LY96: variants seen among roughly 807,000 people sequenced by gnomAD.
LY96 encodes the protein myeloid differentiation protein-2.
A neutral mutation model predicts 18.9 loss-of-function variants in LY96; 18 were observed. The observed-to-expected ratio is 0.95, with a 90% CI of 0.66 to 1.41. LY96 has a LOEUF of 1.41. Among genes scored for constraint, LY96 ranks in the 40% most tolerant of loss-of-function variants. LY96 has a pLI of 0.00. For synonymous variants in LY96, 66 were observed against 62.6 expected (o/e 1.06, Z -0.26); for missense variants, 175 against 182.4 (o/e 0.96, Z 0.23).
the LY96 span, among the ~76,000 whole-genome samples, chr8:74,058,574 C>T: frequency 6.7e-6 from 1 of 149,180 alleles, no homozygotes; most frequent in Non-Finnish European, 1.5e-5. Flanking sequence ...AGCTGGAAGG[C>T]AGTGGCGCAA....
chr8:74,006,491 C>A (rs1320951742), intron 2 of LY96, among the ~76,000 whole-genome samples: 2 of 152,180 alleles, frequency 1.3e-5, no homozygotes, highest in South Asian at 2.1e-4. Context: ...AGCCACCGTG[C>A]CCAGCCAATA....
the LY96 span, among the ~76,000 whole-genome samples, chr8:74,053,755 ATCTCAGAATTCATAGTTTGATTGGAG>A: frequency 6.6e-6 from 1 of 152,210 alleles, no homozygotes; most frequent in South Asian, 2.1e-4. Flanking sequence ...TGGAAACTTA[ATCTCAGAATTCATAGTTTGATTGGAG>A]GTAAGCCTTT....
the LY96 span, among the ~76,000 whole-genome samples, chr8:74,048,514 G>A: frequency 5.9e-5 from 9 of 152,212 alleles, no homozygotes; most frequent in African/African-American, 1.7e-4. Context: ...CTGCCTTGTT[G>A]GGCTCCCTAG....
At position 73,999,415 on chromosome 8, in the gene LY96, A is replaced by G. The variant is rs1263061394; in HGVS notation, c.113-5381A>G. 2.0e-5 allele frequency among the ~76,000 whole-genome samples: 3 copies of G among 152,094 alleles called. No individual in the cohort carries two copies. The East Asian group carries it at 5.8e-4, about 29-fold the overall frequency. ...TGAGTAGCTACAGGCATGTGCCATCACATCCAGCTAATTTTTGTATTTTTT... is the reference window on the plus strand; with the variant it reads ...TGAGTAGCTACAGGCATGTGCCATCGCATCCAGCTAATTTTTGTATTTTTT... On this transcript the variant is annotated intron_variant, in intron 1 of 4. Transcript: ENST00000284818.
At chr8:74,028,318 T>C (rs1816911082) in intron 4 of LY96, among the ~76,000 whole-genome samples, 1 of 151,310 alleles carries the variant, frequency 6.6e-6, no homozygotes, top group South Asian at 2.1e-4. Context: ...TTCCGCTTCA[T>C]TTTTTTTTCC....
chr8:74,041,422 A>G, the LY96 span, among the ~76,000 whole-genome samples: 2 of 152,250 alleles, frequency 1.3e-5, no homozygotes, highest in Non-Finnish European at 2.9e-5. Flanking sequence ...TCAGAGAACA[A>G]GGGAAGACAA....
At chr8:74,018,488 C>T (rs1816691418) in intron 3 of LY96, among the ~76,000 whole-genome samples, 1 of 152,084 alleles carries the variant, frequency 6.6e-6, no homozygotes, top group Non-Finnish European at 1.5e-5. Context: ...ACTTTAACAC[C>T]CCACTGTCAA....
chr8:74,010,819 T>G (rs988272078), intron 3 of LY96, among the ~76,000 whole-genome samples: 1 of 151,914 alleles, frequency 6.6e-6, no homozygotes, highest in African/African-American at 2.4e-5. Context: ...GGAGAACTAG[T>G]AACAGAGCAG....
the LY96 span, among the ~76,000 whole-genome samples, chr8:74,047,832 A>G: frequency 6.6e-5 from 10 of 152,190 alleles, no homozygotes; most frequent in Admixed American, 5.2e-4. Flanking sequence ...CAAATCTGAT[A>G]ATATCATTAC....
At chr8:74,018,986 C>G (rs1399368689) in intron 3 of LY96, among the ~76,000 whole-genome samples, 1 of 151,808 alleles carries the variant, frequency 6.6e-6, no homozygotes, top group Non-Finnish European at 1.5e-5. Context: ...GATCTAAAAT[C>G]GACACCCTAA....
At chr8:74,077,987 A>T in the LY96 span, among the ~76,000 whole-genome samples, 1 of 152,080 alleles carries the variant, frequency 6.6e-6, no homozygotes, top group Non-Finnish European at 1.5e-5. Flanking sequence ...ACATGCCTGT[A>T]GCCTCAGCTA....
chr8:74,028,974 G>T lies in LY96; in HGVS notation c.403G>T (p.Val135Phe). ...ATTTTAGGGAAAATACAAATGTGTTGTTGAAGCTATTTCTGGGAGCCCAGA... is the reference window on the plus strand; with the variant it reads ...ATTTTAGGGAAAATACAAATGTGTTTTTGAAGCTATTTCTGGGAGCCCAGA... ...KFSKGKYKCV[V>F]EAISGSPEEM... Residue 135 changes from valine to phenylalanine, a missense_variant, in exon 5 of 5, where the codon GTT (valine) becomes TTT (phenylalanine). By Grantham distance (50) the Val-to-Phe change is conservative (BLOSUM62 -1). Coordinates refer to ENST00000284818, the MANE Select transcript of LY96 (RefSeq NM_015364.5). The T allele has an allele frequency of 6.2e-7, 1 of 1,608,018 alleles. No individual in the cohort carries two copies. Among genetic ancestry groups the T allele is most frequent in the Non-Finnish European group, 8.5e-7 (1 of 1,175,220 alleles).
chr8:74,045,881 C>T, the LY96 span, among the ~76,000 whole-genome samples: 1 of 152,142 alleles, frequency 6.6e-6, no homozygotes, highest in African/African-American at 2.4e-5. Flanking sequence ...CCACTGTAAC[C>T]AGAAGACAAG....
intron 3 of LY96, among the ~76,000 whole-genome samples, chr8:74,024,949 T>C (rs1158854261): frequency 6.6e-6 from 1 of 152,108 alleles, no homozygotes; most frequent in South Asian, 2.1e-4. Flanking sequence ...CACCCTAGCC[T>C]CTCGAGTAAC....
the LY96 span, among the ~76,000 whole-genome samples, chr8:74,080,671 T>G: frequency 1.3e-5 from 2 of 152,170 alleles, no homozygotes; most frequent in Non-Finnish European, 2.9e-5. Flanking sequence ...TCCAAAAAGC[T>G]CCCTATGTGC....
intron 2 of LY96, 99 bp from the exon 3 acceptor site, chr8:74,009,902 G>C: frequency 1.2e-6 from 1 of 839,654 alleles, no homozygotes; most frequent in Non-Finnish European, 2.0e-6. Context: ...AATAATGTAA[G>C]AAAAGCACAG....
chr8:74,059,092 A>C, the LY96 span, among the ~76,000 whole-genome samples: 2 of 152,226 alleles, frequency 1.3e-5, no homozygotes, highest in Non-Finnish European at 2.9e-5. Flanking sequence ...ATCTTTACTC[A>C]GTCCACCAAT....
the LY96 span, among the ~76,000 whole-genome samples, chr8:74,093,193 C>T: frequency 9.3e-4 from 141 of 152,296 alleles, no homozygotes; most frequent in African/African-American, 3.1e-3. Context: ...AGCTCAAATA[C>T]AACCTCTGCA....
At chr8:74,046,574 C>G in the LY96 span, among the ~76,000 whole-genome samples, 1 of 151,958 alleles carries the variant, frequency 6.6e-6, no homozygotes, top group African/African-American at 2.4e-5. Flanking sequence ...GCCCACCCCC[C>G]ACGCAAAAAA....
Sources: allele counts gnomAD v4.1 joint callset (sites outside exome capture counted in the v4.1 genomes callset), GRCh38; gene constraint gnomAD v4.1.1; transcripts MANE v1.5; gene names NCBI Gene and HGNC (gene_info 2026-07-23, HGNC 2026-07-21).